Variants in IQCH observed in about 807,000 individuals in gnomAD.
The protein encoded by IQCH is IQ domain-containing protein H.
In IQCH, 98 loss-of-function variants were observed where a neutral mutation model predicts 117.0. The ratio of observed to expected loss-of-function variants is 0.84; its 90% CI spans 0.71 to 0.99. The LOEUF is 0.99. IQCH is among the 50% of genes least tolerant of loss of function. The probability of loss-of-function intolerance (pLI) is 0.00; values close to 1 mark genes in which losing one functional copy is unlikely to be tolerated. For synonymous variants in IQCH, 412 were observed against 448.2 expected, an observed-to-expected ratio of 0.92 and a Z score of 1.02; for missense variants, 1,102 against 1,243.8, an observed-to-expected ratio of 0.89 and a Z score of 1.72.
In IQCH at chr15:67,481,403, CA is replaced by C. The variant is rs1310437530; in HGVS notation, c.2799+5586del. On this transcript the variant is annotated intron_variant, in intron 18 of 20. Coordinates refer to ENST00000335894, the MANE Select transcript of IQCH (RefSeq NM_001031715.3). The surrounding 1 kb of genome is among the most constrained non-coding windows in gnomAD (Gnocchi z 4.1). ...GGGGAACATCCCCTTATAAAATCAT[CA>C]GATTGAGTGAGAACTCACTCACTAT... 6.6e-6 allele frequency among the ~76,000 whole-genome samples: 1 copy of C among 152,156 alleles called. No individual in the cohort carries two copies.
chr15:67,484,987 T>C (rs1053471850), intron 18 of IQCH, among the ~76,000 whole-genome samples: 1 of 152,022 alleles, frequency 6.6e-6, no homozygotes, highest in Non-Finnish European at 1.5e-5. Flanking sequence ...ATTCATATAT[T>C]GGAGTTATGA....
rs1043824610 is a variant in IQCH, at chr15:67,411,617, A to G, written c.2098-5314A>G. Among the ~76,000 whole-genome samples, 1 of 151,490 alleles carries G rather than the reference A, an allele frequency of 6.6e-6. No homozygotes were observed. The highest frequency in any genetic ancestry group is 1.5e-5 in the Non-Finnish European group (1 of 67,722). ...GCAGATTGGCACATGACCCAATTAC[A>G]CCAATGTGTGTCTGTATGTGTGTAT... On this transcript the variant is annotated intron_variant, in intron 14 of 20. Coordinates refer to ENST00000335894, the MANE Select transcript of IQCH (RefSeq NM_001031715.3). This position sits in a 1 kb window ranked among gnomAD's most constrained non-coding sequence, Gnocchi z 4.4.
intron 17 of IQCH, among the ~76,000 whole-genome samples, chr15:67,468,886 A>G (rs2083000686): frequency 6.6e-6 from 1 of 152,244 alleles, no homozygotes; most frequent in Non-Finnish European, 1.5e-5. Flanking sequence ...AAGGATTTCA[A>G]CTATGTCAAC....
chr15:67,382,387 T>C (rs1970961979), intron 10 of IQCH, among the ~76,000 whole-genome samples: 1 of 152,248 alleles, frequency 6.6e-6, no homozygotes, highest in African/African-American at 2.4e-5. Flanking sequence ...GATAATCTCT[T>C]GATTTTAAGG....
intron 4 of IQCH, chr15:67,281,743 G>A (rs1419272475): frequency 2.2e-6 from 1 of 454,662 alleles, no homozygotes; most frequent in East Asian, 6.9e-5. Context: ...TGGCCCTGTG[G>A]CAACTATTTC....
chr15:67,336,963 T>G lies in IQCH; in HGVS notation c.388-12T>G. On this transcript the variant is annotated splice_polypyrimidine_tract_variant and intron_variant, in intron 4 of 20. Coordinates refer to ENST00000335894, the MANE Select transcript of IQCH (RefSeq NM_001031715.3). ...CAAAAATGTTTGCTGAAACAAATTT[T>G]TTATTATCTAGATAAAGGTTTCGAA... 6.2e-7 allele frequency: 1 copy of G among 1,611,808 alleles called. No homozygotes were observed. The highest frequency in any genetic ancestry group is 8.5e-7 in the Non-Finnish European group (1 of 1,179,066).
chr15:67,301,407 T>TTG (rs1364622473), intron 4 of IQCH, among the ~76,000 whole-genome samples: 2 of 112,966 alleles, frequency 1.8e-5, no homozygotes, highest in Non-Finnish European at 3.9e-5. Flanking sequence ...TTAAGTTTTT[T>TTG]TTTTTTTTTT....
chr15:67,428,645 T>A (rs2140936541), intron 16 of IQCH, among the ~76,000 whole-genome samples: 1 of 152,090 alleles, frequency 6.6e-6, no homozygotes, highest in African/African-American at 2.4e-5. Flanking sequence ...GGTCAGGAGT[T>A]TGAGACAAGC....
At chr15:67,316,902 G>T (rs1051607083) in intron 4 of IQCH, among the ~76,000 whole-genome samples, 1 of 151,868 alleles carries the variant, frequency 6.6e-6, no homozygotes, top group Non-Finnish European at 1.5e-5. Context: ...TCTGGGCCCA[G>T]TCAAAGATTG....
chr15:67,486,038 CTT>C lies in IQCH; in HGVS notation c.2800-3946_2800-3945del, dbSNP rs55963427. Reference sequence around the variant, plus strand: ...GCAATAAGACTGCTAGCTAAGTTTTCTTTTTTTTTTTTTTTTTTTTGAGATAG... The same window carrying C: ...GCAATAAGACTGCTAGCTAAGTTTTCTTTTTTTTTTTTTTTTTTGAGATAG... On this transcript the variant is annotated intron_variant, in intron 18 of 20. Coordinates refer to ENST00000335894, the MANE Select transcript of IQCH (RefSeq NM_001031715.3). 7.5e-5 allele frequency among the ~76,000 whole-genome samples: 8 copies of C among 106,304 alleles called. No individual in the cohort carries two copies. In the East Asian group the frequency reaches 1.4e-3, roughly 19 times the overall value. 69.7% of individuals were successfully genotyped at this position (106,304 alleles called of 152,430 possible).
intron 4 of IQCH, among the ~76,000 whole-genome samples, chr15:67,315,032 A>C (rs1967780572): frequency 6.6e-6 from 1 of 152,216 alleles, no homozygotes; most frequent in Non-Finnish European, 1.5e-5. Flanking sequence ...CCCAAGATCT[A>C]ACCCTTGACT....
In IQCH at chr15:67,406,289, C is replaced by T. The variant is rs1234236987; in HGVS notation, c.2097+5984C>T. 2 of 152,232 alleles carry T rather than the reference C, an allele frequency of 1.3e-5. No individual in the cohort carries two copies. Among genetic ancestry groups the T allele is most frequent in the Non-Finnish European group, 2.9e-5 (2 of 68,078 alleles). 9.4% of individuals were successfully genotyped at this position (152,232 alleles called of 1,614,324 possible). On this transcript the variant is annotated intron_variant, in intron 14 of 20. Coordinates refer to ENST00000335894, the MANE Select transcript of IQCH (RefSeq NM_001031715.3). The surrounding 1 kb of genome is among the most constrained non-coding windows in gnomAD (Gnocchi z 4.5). ...CCTGTAATATTTTGTAATCCCAACA[C>T]TTTGGAAGGCTGAGGTGGGAGTTGG...
intron 16 of IQCH, among the ~76,000 whole-genome samples, chr15:67,461,354 C>G (rs8025163): frequency 6.6e-6 from 1 of 152,116 alleles, no homozygotes; most frequent in Non-Finnish European, 1.5e-5. Context: ...CTAAAAGTTA[C>G]GGAAGAGGAG....
rs1036907190 is a variant in IQCH at position 67,450,536 on chromosome 15, C to T, written c.2506-14591C>T. Among the ~76,000 whole-genome samples, 13 of 152,096 alleles carry T rather than the reference C, an allele frequency of 8.5e-5. No homozygotes were observed. The East Asian group carries it at 1.7e-3, about 20-fold the overall frequency. On this transcript the variant is annotated intron_variant, in intron 16 of 20. Transcript: ENST00000335894. ...ATGCTGGATTGCATTTATTGATTTG[C>T]GTATGTTGAACCAGCCTTGCATCCC...
chr15:67,461,546 C>A (rs2059011655), intron 16 of IQCH, among the ~76,000 whole-genome samples: 1 of 152,154 alleles, frequency 6.6e-6, no homozygotes, highest in Admixed American at 6.5e-5. Flanking sequence ...ATGGAAAGAC[C>A]AGATGGAGAA....
Position 67,404,701 on chromosome 15 carries a change from G to A in IQCH, c.2097+4396G>A, listed in dbSNP as rs1001732638. 2.6e-5 allele frequency: 4 copies of A among 152,094 alleles called. No individual in the cohort carries two copies. Among genetic ancestry groups the A allele is most frequent in the African/African-American group, 9.7e-5 (4 of 41,414 alleles). 9.4% of individuals were successfully genotyped at this position (152,094 alleles called of 1,614,324 possible). On this transcript the variant is annotated intron_variant, in intron 14 of 20. Coordinates refer to ENST00000335894, the MANE Select transcript of IQCH (RefSeq NM_001031715.3). The surrounding 1 kb of genome is among the most constrained non-coding windows in gnomAD (Gnocchi z 4.6). ...TACATAGTCGTCACAATTATTAGAT[G>A]CATAATATTCTCTCATATTGATGAA...
chr15:67,311,921 A>G (rs1173887244), intron 4 of IQCH, among the ~76,000 whole-genome samples: 1 of 152,122 alleles, frequency 6.6e-6, no homozygotes, highest in Non-Finnish European at 1.5e-5. Context: ...CAGAGAGAAG[A>G]GGGATTTGGG....
chr15:67,476,409 T>A lies in IQCH; in HGVS notation c.2799+591T>A, dbSNP rs2083202490. Among the ~76,000 whole-genome samples, 1 of 152,122 alleles carries A rather than the reference T, an allele frequency of 6.6e-6. No homozygotes were observed. Among genetic ancestry groups the A allele is most frequent in the African/African-American group, 2.4e-5 (1 of 41,426 alleles). On this transcript the variant is annotated intron_variant, in intron 18 of 20. Transcript: ENST00000335894. The surrounding 1 kb of genome is among the most constrained non-coding windows in gnomAD (Gnocchi z 4.1). ...TCTCTTTTACAAGGTACCAGTTCCG[T>A]CAATCAAAGCATCACACCTACAGCC...
intron 3 of IQCH, among the ~76,000 whole-genome samples, chr15:67,263,929 G>A (rs1965562391): frequency 6.6e-6 from 1 of 152,162 alleles, no homozygotes; most frequent in Non-Finnish European, 1.5e-5. Flanking sequence ...TGTAGATTAA[G>A]CTTTTGTACT....
Sources: gnomAD v4.1 joint callset for allele counts (sites outside exome capture counted in the v4.1 genomes callset) on GRCh38, gnomAD v4.1.1 for gene constraint, Gnocchi (gnomAD v3.1) non-coding constraint, MANE v1.5 for transcripts, NCBI Gene and HGNC (gene_info 2026-07-23, HGNC 2026-07-21) for gene names.